The following NT5DC4 variants were observed in gnomAD, a reference collection of about 807,000 sequenced individuals.
NT5DC4 encodes 5'-nucleotidase domain-containing protein 4.
NT5DC4 carries 44 observed loss-of-function variants against 26.6 expected under a neutral mutation model. The ratio of observed to expected loss-of-function variants is 1.65; its 90% confidence interval spans 1.30 to 2.13. NT5DC4 has a LOEUF of 2.13. NT5DC4 is among the 30% of genes most tolerant of loss of function. The pLI is 0.00. For missense variants in NT5DC4, 399 were observed against 228.1 expected (o/e 1.75, Z -4.83); for synonymous variants, 157 against 86.7 (o/e 1.81, Z -4.51).
At chr2:112,726,417 G>T in intron 14 of NT5DC4, 128 bp downstream of exon 14, 1 of 678,884 alleles carries the variant, frequency 1.5e-6, no homozygotes, top group South Asian at 1.6e-5. Flanking sequence ...GTTTCAGGCT[G>T]GGCTTCCCTA....
At chr2:112,740,806 G>C, downstream of NT5DC4, 1 of 1,594,428 alleles carries the variant, frequency 6.3e-7, no homozygotes, top group Non-Finnish European at 8.6e-7. Context: ...GTCTGCTTTA[G>C]AGTTTGCTTA....
downstream of NT5DC4, chr2:112,742,587 A>G: frequency 6.6e-6 from 5 of 755,416 alleles, no homozygotes; most frequent in Non-Finnish European, 1.2e-5. Context: ...CAGGTCATGG[A>G]AACCAAGAAG....
upstream of NT5DC4, among the ~76,000 whole-genome samples, chr2:112,719,836 TTCCTTCCC>T (rs1222079971): frequency 1.8e-4 from 11 of 60,948 alleles, no homozygotes; most frequent in African/African-American, 4.2e-4. Context: ...CCTTCCTTCC[TTCCTTCCC>T]TCCCTCCCTC....
At position 112,724,103 on chromosome 2, in the gene NT5DC4, A is replaced by T. The variant is rs1677353447; in HGVS notation, c.766A>T (p.Thr256Ser). ...SSYNYTNAIM[T>S]YLFSISEAEA... The stretch of plus-strand genomic sequence containing the variant: ...GCCTTGTCCTTGCCAGGCCATCATG[A>T]CCTACCTGTTCAGCATCAGTGAGGT... The change falls in exon 10 of 17, where the codon ACC becomes TCC. Residue 256 changes from threonine (T) to serine (S), a missense_variant. Coordinates refer to ENST00000688554, the MANE Select transcript of NT5DC4 (RefSeq NM_001393655.1). 1 of 717,028 alleles carries T rather than the reference A, an allele frequency of 1.4e-6. No individual in the cohort carries two copies. The highest frequency in any genetic ancestry group is 2.6e-6 in the Non-Finnish European group (1 of 384,988). The allele number at this position is 717,028 out of a possible 1,614,324, so 44.4% of individuals were successfully genotyped here.
chr2:112,728,846 T>C (rs1386989153), intron 15 of NT5DC4, among the ~76,000 whole-genome samples: 1 of 152,212 alleles, frequency 6.6e-6, no homozygotes, highest in Non-Finnish European at 1.5e-5. Context: ...GATGTGAGCC[T>C]GTCAAGCTCC....
intron 12 of NT5DC4, 50 bp downstream of exon 12, chr2:112,725,290 C>T (rs763020302): frequency 1.2e-4 from 85 of 694,404 alleles, no homozygotes; most frequent in Non-Finnish European, 1.9e-4. Flanking sequence ...CTCCTTCCCT[C>T]GACTAGGAGC....
intron 15 of NT5DC4, 171 bp downstream of exon 15, chr2:112,726,909 C>A: frequency 3.1e-6 from 2 of 641,534 alleles, no homozygotes; most frequent in East Asian, 2.7e-5. Flanking sequence ...CTCTGCTGGC[C>A]GACATTCCAA....
chr2:112,729,641 A>G lies in NT5DC4; in HGVS notation c.1281A>G (p.Ser427=). ...TATCCCTACAGATGCCACATGAGTC[A>G]GTTGTGGAGCAAGAACAGGCCAATC... ...TKREIQMPHE[S]VVEQEQANLD... Residue 427 remains serine, a synonymous_variant, in exon 16 of 17, where the codon TCA becomes TCG. Coordinates refer to ENST00000688554, the MANE Select transcript of NT5DC4 (RefSeq NM_001393655.1). 1.4e-6 allele frequency: 1 copy of G among 717,960 alleles called. No homozygotes were observed. Among genetic ancestry groups the G allele is most frequent in the Non-Finnish European group, 2.6e-6 (1 of 385,186 alleles). 44.5% of individuals were successfully genotyped at this position (717,960 alleles called of 1,614,324 possible).
Position 112,722,565 on chromosome 2 carries a change from C to T in NT5DC4, c.445C>T (p.Leu149Phe), listed in dbSNP as rs1467967036. ...QRDDLQCFYI[L>F]NMLFNLPETY... ...GGACGACCTGCAGTGTTTCTACATA[C>T]TCAACATGCTCTTCAACCTGCCTGG... Residue 149 changes from leucine (L) to phenylalanine (F), a missense_variant, in exon 5 of 17, where the codon CTC becomes TTC. Coordinates refer to ENST00000688554, the MANE Select transcript of NT5DC4 (RefSeq NM_001393655.1). 1 of 717,336 alleles carries T rather than the reference C, an allele frequency of 1.4e-6. No homozygotes were observed. The highest frequency in any genetic ancestry group is 2.6e-6 in the Non-Finnish European group (1 of 385,086). 44.4% of individuals were successfully genotyped at this position (717,336 alleles called of 1,614,324 possible). A position where few individuals can be genotyped will look rare whatever the true frequency, so the allele number is the denominator to read the frequency against.
intron 14 of NT5DC4, 142 bp from the exon 15 acceptor site, chr2:112,726,536 G>T (rs774057662): frequency 1.5e-6 from 1 of 684,034 alleles, no homozygotes. Flanking sequence ...GCCCTCGCAC[G>T]CATGCACACA....
chr2:112,737,149 A>C (rs2104823876), intron 16 of NT5DC4: 1 of 152,082 alleles, frequency 6.6e-6, no homozygotes, highest in African/African-American at 2.4e-5. Flanking sequence ...CTGGTCTTGA[A>C]CTCCTGACCT....
chr2:112,742,637 C>G, downstream of NT5DC4: 1 of 1,044,812 alleles, frequency 9.6e-7, no homozygotes, highest in Non-Finnish European at 1.5e-6. Context: ...CTTCTTTTTC[C>G]TATATGTCCT....
At chr2:112,740,907 C>G (rs1679896224), downstream of NT5DC4, 6 of 1,614,086 alleles carry the variant, frequency 3.7e-6, no homozygotes, top group East Asian at 1.3e-4. Context: ...CTTGTTCCCT[C>G]TCTTTTGGAG....
upstream of NT5DC4, among the ~76,000 whole-genome samples, chr2:112,720,833 G>A (rs2104693962): frequency 6.6e-6 from 1 of 152,296 alleles, no homozygotes; most frequent in Admixed American, 6.5e-5. Flanking sequence ...TGAGGAGGGT[G>A]CAGTGGACAT....
intron 14 of NT5DC4, 65 bp downstream of exon 14, chr2:112,726,354 C>CAT (rs1677712732): frequency 1.4e-6 from 1 of 714,978 alleles, no homozygotes; most frequent in East Asian, 2.7e-5. Context: ...CAGTGGCTCA[C>CAT]ATCCCTGCCT....
chr2:112,719,972 TTC>T (rs1381906163), upstream of NT5DC4, among the ~76,000 whole-genome samples: 418 of 96,720 alleles, frequency 4.3e-3, 2 homozygotes, highest in Middle Eastern at 9.2e-3. Flanking sequence ...CTTTCTTTCT[TTC>T]TTTCTTTCTT....
downstream of NT5DC4, chr2:112,741,010 G>A: frequency 6.3e-7 from 1 of 1,588,820 alleles, no homozygotes. Context: ...AGTAATCCCT[G>A]TGTATGTAAG....
At chr2:112,732,216 T>C (rs1678578664) in intron 16 of NT5DC4, among the ~76,000 whole-genome samples, 1 of 152,136 alleles carries the variant, frequency 6.6e-6, no homozygotes, top group East Asian at 1.9e-4. Context: ...TGGCATTTTT[T>C]TTTTTAAAAC....
chr2:112,722,143 G>A (rs1416301474), intron 3 of NT5DC4, 40 bp downstream of exon 3: 2 of 695,986 alleles, frequency 2.9e-6, no homozygotes, highest in East Asian at 5.5e-5. Flanking sequence ...CCCGGCCTTG[G>A]TACCCCCACC....
Sources: allele counts gnomAD v4.1 joint callset (sites outside exome capture counted in the v4.1 genomes callset), GRCh38; gene constraint gnomAD v4.1.1; transcripts MANE v1.5; gene names NCBI Gene and HGNC (gene_info 2026-07-23, HGNC 2026-07-21).